The following PXDC1 variants were observed in gnomAD, a reference collection of about 807,000 sequenced individuals.
PXDC1 encodes the protein PX domain-containing protein 1.
PXDC1 carries 13 observed loss-of-function variants against 24.4 expected under a neutral mutation model. The observed-to-expected ratio is 0.53, with a 90% CI of 0.35 to 0.85. The LOEUF (loss-of-function observed/expected upper bound fraction) is 0.85. Ranked by LOEUF, PXDC1 falls within the 40% of genes least tolerant of loss-of-function variation. PXDC1 has a pLI of 0.01. For missense variants in PXDC1, 344 were observed against 309.3 expected (o/e 1.11, Z -0.84); for synonymous variants, 162 against 124.9 (o/e 1.30, Z -1.98).
chr6:3,751,434 C>T lies in PXDC1; in HGVS notation c.98G>A (p.Gly33Asp). The stretch of plus-strand genomic sequence containing the variant: ...GATCTCGAAGAACTCCTCTTCGTCG[C>T]CGCGCCGGCTGACGATGAGCCTGCG... ...GIRRLIVSRR[G>D]DEEEFFEIRT... The change falls in exon 1 of 5, where the codon GGC (glycine) becomes GAC (aspartate). Residue 33 changes from glycine (G) to aspartate (D), a missense_variant. Gly to Asp is a moderately conservative substitution (Grantham distance 94). Transcript: ENST00000380283. 10 of 1,590,884 alleles carry T rather than the reference C, an allele frequency of 6.3e-6. No homozygotes were observed. The highest frequency in any genetic ancestry group is 8.5e-6 in the Non-Finnish European group (10 of 1,169,718).
intron 3 of PXDC1, among the ~76,000 whole-genome samples, chr6:3,731,759 G>A (rs1760202420): frequency 6.6e-6 from 1 of 152,214 alleles, no homozygotes; most frequent in Non-Finnish European, 1.5e-5. Flanking sequence ...CACTCTTAGA[G>A]AGGACTGAGC....
chr6:3,745,880 C>A (rs1291513069), intron 1 of PXDC1, among the ~76,000 whole-genome samples: 1 of 152,232 alleles, frequency 6.6e-6, no homozygotes, highest in Non-Finnish European at 1.5e-5. Flanking sequence ...GGTTTCTTAA[C>A]AATGGGAAGA....
intron 1 of PXDC1, among the ~76,000 whole-genome samples, chr6:3,748,950 T>A (rs1257742142): frequency 1.3e-5 from 2 of 152,240 alleles, no homozygotes; most frequent in Non-Finnish European, 2.9e-5. Flanking sequence ...AATCTTTTTA[T>A]GCAAACAATA....
At chr6:3,739,657 C>T (rs1760410217) in intron 1 of PXDC1, among the ~76,000 whole-genome samples, 2 of 152,226 alleles carry the variant, frequency 1.3e-5, no homozygotes, top group Admixed American at 1.3e-4. Context: ...GTTCTCCAGC[C>T]TCGGCCCACC....
In PXDC1 at chr6:3,737,202, G is replaced by C. The variant is rs925546574; in HGVS notation, c.349-6C>G. On this transcript the variant is annotated splice_polypyrimidine_tract_variant and splice_region_variant and intron_variant, in intron 2 of 4. Transcript: ENST00000380283. The surrounding 1 kb of genome is among the most constrained non-coding windows in gnomAD (Gnocchi z 5.5). Reference sequence around the variant, plus strand: ...ACAACTTCCGATCTAGAATACTGGGGAGAAATGCAGGGATTACTAAAAACG... The same window carrying C: ...ACAACTTCCGATCTAGAATACTGGGCAGAAATGCAGGGATTACTAAAAACG... The C allele has an allele frequency of 6.4e-7, 1 of 1,573,670 alleles. No homozygotes were observed. Among genetic ancestry groups the C allele is most frequent in the Admixed American group, 1.7e-5 (1 of 59,990 alleles).
intron 4 of PXDC1, 108 bp downstream of exon 4, chr6:3,727,443 G>A: frequency 1.4e-6 from 1 of 690,484 alleles, no homozygotes; most frequent in South Asian, 1.9e-5. Context: ...AGGAACTGCT[G>A]GGTGGCTCTG....
chr6:3,747,586 C>T (rs1363972130), intron 1 of PXDC1, among the ~76,000 whole-genome samples: 2 of 152,148 alleles, frequency 1.3e-5, no homozygotes, highest in Non-Finnish European at 2.9e-5. Flanking sequence ...AATCGACTTC[C>T]CCAGGCACCC....
In PXDC1 at chr6:3,724,869, A is replaced by C. The variant is rs1253426383; in HGVS notation, c.579-1133T>G. The stretch of plus-strand genomic sequence containing the variant: ...CTGACCTCAAGGGACAGGGCTGTGA[A>C]GACAGCTTTAAGGCATTTGGATAAG... On this transcript the variant is annotated intron_variant, in intron 4 of 4. Transcript: ENST00000380283. This position sits in a 1 kb window ranked among gnomAD's most constrained non-coding sequence, Gnocchi z 4.5. Among the ~76,000 whole-genome samples, 1 of 152,222 alleles carries C rather than the reference A, an allele frequency of 6.6e-6. No homozygotes were observed. Among genetic ancestry groups the C allele is most frequent in the Non-Finnish European group, 1.5e-5 (1 of 68,046 alleles).
intron 3 of PXDC1, among the ~76,000 whole-genome samples, chr6:3,731,966 A>T (rs1760210081): frequency 6.6e-6 from 1 of 152,242 alleles, no homozygotes; most frequent in Admixed American, 6.5e-5. Context: ...GGCTTCTGCC[A>T]GCTGTTTCCA....
chr6:3,741,131 C>G (rs540949509), intron 1 of PXDC1, among the ~76,000 whole-genome samples: 3 of 152,394 alleles, frequency 2.0e-5, no homozygotes, highest in Non-Finnish European at 4.4e-5. Context: ...TGACCCCAGA[C>G]ACAACCGACC....
chr6:3,732,734 G>A (rs1760228395), intron 3 of PXDC1, among the ~76,000 whole-genome samples: 2 of 152,150 alleles, frequency 1.3e-5, no homozygotes, highest in Admixed American at 1.3e-4. Context: ...CCATCTAGTG[G>A]AGCTCCTGAC....
intron 1 of PXDC1, among the ~76,000 whole-genome samples, chr6:3,741,131 C>A (rs540949509): frequency 6.6e-6 from 1 of 152,276 alleles, no homozygotes; most frequent in African/African-American, 2.4e-5. Context: ...TGACCCCAGA[C>A]ACAACCGACC....
chr6:3,729,136 T>G lies in PXDC1; in HGVS notation c.467-1474A>C, dbSNP rs1760140063. Among the ~76,000 whole-genome samples the G allele has an allele frequency of 2.0e-5, 3 of 152,124 alleles. No individual in the cohort carries two copies. In the South Asian group the frequency reaches 6.2e-4, roughly 31 times the overall value. On this transcript the variant is annotated intron_variant, in intron 3 of 4. Coordinates refer to ENST00000380283, the MANE Select transcript of PXDC1 (RefSeq NM_183373.4). Reference sequence around the variant, plus strand: ...CGGATGCCTTAGTTGCTTGGGGGACTGTTTTCCTTTATTTTTTCTTACACC... The same window carrying G: ...CGGATGCCTTAGTTGCTTGGGGGACGGTTTTCCTTTATTTTTTCTTACACC...
At chr6:3,732,150 T>G (rs1760213850) in intron 3 of PXDC1, among the ~76,000 whole-genome samples, 1 of 152,254 alleles carries the variant, frequency 6.6e-6, no homozygotes, top group African/African-American at 2.4e-5. Flanking sequence ...TTTCTGTTTT[T>G]TAGATGCAGC....
Position 3,737,614 on chromosome 6 carries a change from T to G in PXDC1, c.349-418A>C. On this transcript the variant is annotated intron_variant, in intron 2 of 4. Coordinates refer to ENST00000380283, the MANE Select transcript of PXDC1 (RefSeq NM_183373.4). The surrounding 1 kb of genome is among the most constrained non-coding windows in gnomAD (Gnocchi z 5.5). The stretch of plus-strand genomic sequence containing the variant: ...CCACTCACGACGAAGCCCGCAGGCT[T>G]ACATGGAAAGGGAGTTGACGGTCAA... The G allele has an allele frequency of 2.0e-6, 2 of 981,898 alleles. No homozygotes were observed. Among genetic ancestry groups the G allele is most frequent in the African/African-American group, 1.7e-5 (1 of 57,284 alleles). 60.8% of individuals were successfully genotyped at this position (981,898 alleles called of 1,614,324 possible).
intron 3 of PXDC1, among the ~76,000 whole-genome samples, chr6:3,735,909 A>G (rs2127599764): frequency 6.6e-6 from 1 of 152,324 alleles, no homozygotes; most frequent in Non-Finnish European, 1.5e-5. Flanking sequence ...AAACAAACAA[A>G]AAAGTAAAAA....
At position 3,729,347 on chromosome 6, in the gene PXDC1, C is replaced by G. The variant is rs561739860; in HGVS notation, c.467-1685G>C. On this transcript the variant is annotated intron_variant, in intron 3 of 4. Transcript: ENST00000380283. ...GAGAAACAGATTTCCTCCTCGCCCC[C>G]CATAGGATCAAAATGTCGATTCATC... Among the ~76,000 whole-genome samples, 218 of 152,310 alleles carry G rather than the reference C, an allele frequency of 1.4e-3. 2 individuals are homozygous for G. Among genetic ancestry groups the G allele is most frequent in the South Asian group, 1.5e-3 (7 of 4,820 alleles).
chr6:3,726,097 T>G (rs766982032), intron 4 of PXDC1, among the ~76,000 whole-genome samples: 3 of 152,144 alleles, frequency 2.0e-5, no homozygotes, highest in Non-Finnish European at 2.9e-5. Flanking sequence ...CTGGCCTCAT[T>G]CCAGGGTGCC....
At chr6:3,749,129 G>C (rs1760640233) in intron 1 of PXDC1, among the ~76,000 whole-genome samples, 4 of 152,024 alleles carry the variant, frequency 2.6e-5, no homozygotes, top group Admixed American at 2.6e-4. Context: ...CTGCCCCTCA[G>C]AAAACCAAGG....
Sources: allele counts gnomAD v4.1 joint callset (sites outside exome capture counted in the v4.1 genomes callset), GRCh38; gene constraint gnomAD v4.1.1; non-coding constraint Gnocchi (gnomAD v3.1); transcripts MANE v1.5; gene names NCBI Gene and HGNC (gene_info 2026-07-23, HGNC 2026-07-21).